Variants in HYDIN observed in about 807,000 individuals in gnomAD.
HYDIN encodes axonemal central pair apparatus protein HYDIN.
Under a neutral mutation model 403.9 loss-of-function variants are expected in HYDIN, and 132 were observed. The observed-to-expected ratio is 0.33, with a 90% CI of 0.28 to 0.38. The LOEUF is 0.38. Among genes scored for constraint, HYDIN ranks in the 10% least tolerant of loss-of-function variants. The pLI is 1.00. For missense variants in HYDIN, 2,827 were observed against 5,009.5 expected, an observed-to-expected ratio of 0.56 and a Z score of 13.15; for synonymous variants, 1,202 against 1,891.7, an observed-to-expected ratio of 0.64 and a Z score of 9.46.
chr16:70,802,444 AAAGAGAT>A lies in HYDIN; in HGVS notation c.*5129_*5135del, dbSNP rs2034921364. 4 of 152,356 alleles carry A rather than the reference AAAGAGAT, an allele frequency of 2.6e-5. No individual in the cohort carries two copies. The highest frequency in any genetic ancestry group is 2.1e-4 in the South Asian group (1 of 4,824). The allele number at this position is 152,356 out of a possible 1,614,324, so 9.4% of individuals were successfully genotyped here. Reference sequence around the variant, plus strand: ...CCTGACCGAATCAAGTGAGTACTTAAAAGAGATTAGAAGAAATTTGAACTGGAAGAGA... The same window carrying A: ...CCTGACCGAATCAAGTGAGTACTTAATAGAAGAAATTTGAACTGGAAGAGA... On this transcript the variant is annotated 3_prime_UTR_variant, in exon 86 of 86. Coordinates refer to ENST00000393567, the MANE Select transcript of HYDIN (RefSeq NM_001270974.2).
chr16:70,804,805 G>C lies in HYDIN; in HGVS notation c.*2775C>G, dbSNP rs147675487. 5.9e-5 allele frequency among the ~76,000 whole-genome samples: 9 copies of C among 152,234 alleles called. No individual in the cohort carries two copies. The highest frequency in any genetic ancestry group is 8.8e-5 in the Non-Finnish European group (6 of 68,002). On this transcript the variant is annotated 3_prime_UTR_variant, in exon 86 of 86. Coordinates refer to ENST00000393567, the MANE Select transcript of HYDIN (RefSeq NM_001270974.2). Reference sequence around the variant, plus strand: ...TGTGCTGCAACCTGGGTTCGTTTTTGTTTCTCCCCCTCCCTTCTCCCTGAT... The same window carrying C: ...TGTGCTGCAACCTGGGTTCGTTTTTCTTTCTCCCCCTCCCTTCTCCCTGAT...
chr16:70,887,347 A>G (rs1353005381), intron 58 of HYDIN, among the ~76,000 whole-genome samples: 1 of 151,980 alleles, frequency 6.6e-6, no homozygotes, highest in East Asian at 1.9e-4. Flanking sequence ...AGAGAGTTAG[A>G]AGGAGATATG....
At chr16:70,950,785 T>C (rs2078041880) in intron 41 of HYDIN, among the ~76,000 whole-genome samples, 1 of 152,152 alleles carries the variant, frequency 6.6e-6, no homozygotes, top group Admixed American at 6.5e-5. Flanking sequence ...CCATTCTATG[T>C]TCTCTTCTTA....
chr16:71,045,119 T>A (rs2081410704), intron 18 of HYDIN, among the ~76,000 whole-genome samples: 1 of 152,170 alleles, frequency 6.6e-6, no homozygotes, highest in South Asian at 2.1e-4. Flanking sequence ...AATTTTTATC[T>A]CCCTGGACAT....
chr16:70,948,782 G>C (rs920343046), intron 41 of HYDIN, among the ~76,000 whole-genome samples: 35 of 151,542 alleles, frequency 2.3e-4, no homozygotes, highest in Non-Finnish European at 4.1e-4. Context: ...CAGTTAGAAT[G>C]GCAATCATTA....
intron 8 of HYDIN, chr16:71,132,762 G>A (rs1290319427): frequency 1.3e-5 from 2 of 152,434 alleles, no homozygotes; most frequent in Non-Finnish European, 2.9e-5. Flanking sequence ...GCAAAGGGAG[G>A]AGAGAGGGTA....
chr16:71,086,169 T>C (rs1400483381), intron 12 of HYDIN, among the ~76,000 whole-genome samples: 1 of 152,046 alleles, frequency 6.6e-6, no homozygotes, highest in African/African-American at 2.4e-5. Context: ...TAAGTTTCTT[T>C]AGGGAATAGT....
At chr16:71,130,331 CCT>C (rs1475396585) in intron 8 of HYDIN, among the ~76,000 whole-genome samples, 2 of 152,120 alleles carry the variant, frequency 1.3e-5, no homozygotes, top group African/African-American at 4.8e-5. Flanking sequence ...TTGGCAGTTC[CCT>C]GATTCCTCTA....
chr16:71,223,528 G>T (rs2144765346), intron 1 of HYDIN, among the ~76,000 whole-genome samples: 2 of 152,000 alleles, frequency 1.3e-5, no homozygotes, highest in South Asian at 4.2e-4. Context: ...AATAAGAAGA[G>T]TAAACAGACA....
intron 3 of HYDIN, among the ~76,000 whole-genome samples, chr16:71,180,210 C>T (rs1383046502): frequency 1.3e-5 from 2 of 151,224 alleles, no homozygotes; most frequent in South Asian, 2.1e-4. Context: ...CAATAGAACC[C>T]AAATTCAGTA....
At chr16:71,135,743 T>C (rs2084892881) in intron 8 of HYDIN, among the ~76,000 whole-genome samples, 1 of 151,542 alleles carries the variant, frequency 6.6e-6, no homozygotes, top group Non-Finnish European at 1.5e-5. Context: ...AAACCACAGA[T>C]ATTTCTATGC....
intron 28 of HYDIN, among the ~76,000 whole-genome samples, chr16:70,984,172 G>C (rs1314372579): frequency 1.3e-5 from 2 of 151,448 alleles, no homozygotes; most frequent in Non-Finnish European, 3.0e-5. Context: ...AGACCAGCCT[G>C]GGCAACATGG....
intron 2 of HYDIN, 54 bp from the exon 3 acceptor site, chr16:71,185,044 G>C: frequency 7.2e-7 from 1 of 1,387,220 alleles, no homozygotes; most frequent in Non-Finnish European, 9.8e-7. Context: ...TACTGAAAAA[G>C]TGTTTTCATA....
chr16:70,886,119 C>T (rs1212502039), intron 58 of HYDIN, among the ~76,000 whole-genome samples: 5 of 151,284 alleles, frequency 3.3e-5, no homozygotes, highest in East Asian at 1.9e-4. Flanking sequence ...TGCAGCCAAA[C>T]GTGATTCTGA....
chr16:70,954,618 G>A (rs1470105712), intron 40 of HYDIN, among the ~76,000 whole-genome samples: 1 of 152,124 alleles, frequency 6.6e-6, no homozygotes, highest in Non-Finnish European at 1.5e-5. Flanking sequence ...GCTGGGCGTG[G>A]CCATCTTGAA....
At chr16:70,931,328 A>T (rs2077324671) in intron 45 of HYDIN, among the ~76,000 whole-genome samples, 3 of 146,090 alleles carry the variant, frequency 2.1e-5, no homozygotes. Flanking sequence ...CTGGGACTAC[A>T]GGTGCACACC....
chr16:71,134,340 C>T (rs1453945037), intron 8 of HYDIN, among the ~76,000 whole-genome samples: 1 of 151,932 alleles, frequency 6.6e-6, no homozygotes, highest in African/African-American at 2.4e-5. Flanking sequence ...GAAAGTTTAC[C>T]AGAAGTTAAA....
At chr16:70,815,772 TAA>T (rs143534816) in intron 84 of HYDIN, among the ~76,000 whole-genome samples, 3 of 119,220 alleles carry the variant, frequency 2.5e-5, no homozygotes, top group Admixed American at 8.7e-5. Context: ...TCTTAACTGA[TAA>T]AAAAAAAAAG....
intron 5 of HYDIN, among the ~76,000 whole-genome samples, chr16:71,170,122 C>G (rs1329983306): frequency 2.6e-5 from 4 of 152,160 alleles, no homozygotes; most frequent in Non-Finnish European, 5.9e-5. Context: ...TGTGTCATCC[C>G]TAATCACAAC....
Sources: allele counts gnomAD v4.1 joint callset (sites outside exome capture counted in the v4.1 genomes callset), GRCh38; gene constraint gnomAD v4.1.1; transcripts MANE v1.5; gene names NCBI Gene and HGNC (gene_info 2026-07-23, HGNC 2026-07-21).